The following TNFRSF11A variants were observed in gnomAD, a reference collection of about 807,000 sequenced individuals.
TNFRSF11A encodes the protein tumor necrosis factor receptor superfamily member 11A.
TNFRSF11A carries 32 observed loss-of-function variants against 55.7 expected under a neutral mutation model. That is an observed-to-expected ratio of 0.57 (90% CI 0.43 to 0.77). The LOEUF is 0.77. Ranked by LOEUF, TNFRSF11A falls within the 30% of genes least tolerant of loss-of-function variation. The probability of loss-of-function intolerance (pLI) is 0.00; values close to 1 mark genes in which losing one functional copy is unlikely to be tolerated. For missense variants in TNFRSF11A, 753 were observed against 809.8 expected (o/e 0.93, Z 0.85); for synonymous variants, 311 against 331.0 (o/e 0.94, Z 0.65).
Position 62,354,386 on chromosome 18 carries a change from C to A in TNFRSF11A, c.284-5C>A, listed in dbSNP as rs371545302. 6.4e-7 allele frequency: 1 copy of A among 1,572,380 alleles called. No homozygotes were observed. Among genetic ancestry groups the A allele is most frequent in the Non-Finnish European group, 8.6e-7 (1 of 1,164,246 alleles). ...GGCCACTGACCTGTCTCTTGTCTCC[C>A]GCAGGCAAGGCCCTGGTGGCCGTGG... On this transcript the variant is annotated splice_region_variant and splice_polypyrimidine_tract_variant and intron_variant, in intron 3 of 9. Transcript: ENST00000586569.
chr18:62,354,331 G>T, intron 3 of TNFRSF11A, 60 bp from the exon 4 acceptor site: 1 of 1,496,078 alleles, frequency 6.7e-7, no homozygotes, highest in Non-Finnish European at 8.9e-7. Context: ...GCAGTCGTGG[G>T]CGGTGTGTTT....
intron 1 of TNFRSF11A, among the ~76,000 whole-genome samples, chr18:62,329,449 T>A (rs766721781): frequency 6.6e-6 from 1 of 152,252 alleles, no homozygotes; most frequent in Non-Finnish European, 1.5e-5. Flanking sequence ...TGATTTTTCC[T>A]CTGAGTACCC....
chr18:62,349,935 C>G lies in TNFRSF11A; in HGVS notation c.281C>G (p.Thr94Arg). The G allele has an allele frequency of 2.5e-6, 4 of 1,613,894 alleles. No individual in the cohort carries two copies. The highest frequency in any genetic ancestry group is 2.5e-6 in the Non-Finnish European group (3 of 1,179,858). Residue 94 changes from threonine to arginine, a missense_variant and splice_region_variant, in exon 3 of 10, where the codon ACA becomes AGA. Thr to Arg is a moderately conservative substitution (Grantham distance 71, BLOSUM62 -1). Transcript: ENST00000586569. ...DKCLLHKVCD[T>R]GKALVAVVAG... ...TGCTTGCTGCATAAAGTTTGTGATA[C>G]AGGTGAGCCCGTCCTGTCAGTGTGT...
At chr18:62,378,230 G>A (rs1911028021) in intron 9 of TNFRSF11A, 1 of 152,176 alleles carries the variant, frequency 6.6e-6, no homozygotes, top group Non-Finnish European at 1.5e-5. Context: ...CAGGACTGAG[G>A]TATCTATTAG....
At chr18:62,359,934 G>T in intron 5 of TNFRSF11A, 21 bp from the exon 6 acceptor site, 1 of 1,607,860 alleles carries the variant, frequency 6.2e-7, no homozygotes, top group South Asian at 1.1e-5. Flanking sequence ...CCAAAGCACT[G>T]AACCACCTTT....
At chr18:62,371,476 T>C (rs1326012777) in intron 9 of TNFRSF11A, among the ~76,000 whole-genome samples, 1 of 152,202 alleles carries the variant, frequency 6.6e-6, no homozygotes, top group Non-Finnish European at 1.5e-5. Context: ...CTTTTATTTC[T>C]CTAGCACTAA....
At chr18:62,355,505 G>A (rs1466230069) in intron 4 of TNFRSF11A, among the ~76,000 whole-genome samples, 5 of 152,100 alleles carry the variant, frequency 3.3e-5, no homozygotes, top group Non-Finnish European at 7.3e-5. Context: ...TCGAACTCCC[G>A]ACTTCAGGTG....
chr18:62,325,367 C>T lies in TNFRSF11A; in HGVS notation c.15C>T (p.Ala5=). 1 of 1,041,422 alleles carries T rather than the reference C, an allele frequency of 9.6e-7. No individual in the cohort carries two copies. The highest frequency in any genetic ancestry group is 1.1e-6 in the Non-Finnish European group (1 of 870,058). The allele number at this position is 1,041,422 out of a possible 1,614,324, so 64.5% of individuals were successfully genotyped here. A position where few individuals can be genotyped will look rare whatever the true frequency, so the allele number is the denominator to read the frequency against. MAPR[A]RRRRPLFALL... ...TGTCCCGCGCCATGGCCCCGCGCGCCCGGCGGCGCCGCCCGCTGTTCGCGC... is the reference window on the plus strand; with the variant it reads ...TGTCCCGCGCCATGGCCCCGCGCGCTCGGCGGCGCCGCCCGCTGTTCGCGC... The change falls in exon 1 of 10, where the codon GCC becomes GCT. Residue 5 remains alanine, a synonymous_variant. Transcript: ENST00000586569. This position sits in a 1 kb window ranked among gnomAD's most constrained non-coding sequence, Gnocchi z 4.7.
Position 62,384,694 on chromosome 18 carries a change from A to G in TNFRSF11A, c.1568-57A>G, listed in dbSNP as rs574546475. 2.4e-4 allele frequency: 378 copies of G among 1,584,504 alleles called. 5 individuals are homozygous for G. The South Asian group carries it at 4.1e-3, about 17-fold the overall frequency. On this transcript the variant is annotated intron_variant, in intron 9 of 9. Coordinates refer to ENST00000586569, the MANE Select transcript of TNFRSF11A (RefSeq NM_003839.4). ...CTCCCCGGAACCTTCCTCTCGGCAGACCCTGCCTCCGGGCGCTGACTCACC... is the reference window on the plus strand; with the variant it reads ...CTCCCCGGAACCTTCCTCTCGGCAGGCCCTGCCTCCGGGCGCTGACTCACC...
At chr18:62,334,874 A>G (rs538146824) in intron 1 of TNFRSF11A, among the ~76,000 whole-genome samples, 57 of 152,276 alleles carry the variant, frequency 3.7e-4, no homozygotes, top group Non-Finnish European at 7.1e-4. Context: ...GAATGACAAC[A>G]TGGTGTCACT....
Position 62,384,964 on chromosome 18 carries a change from G to C in TNFRSF11A, c.1781G>C (p.Gly594Ala), listed in dbSNP as rs1327902424. 1.3e-5 allele frequency: 19 copies of C among 1,479,890 alleles called. No homozygotes were observed. Among genetic ancestry groups the C allele is most frequent in the Non-Finnish European group, 1.7e-5 (19 of 1,124,434 alleles). 91.7% of individuals were successfully genotyped at this position (1,479,890 alleles called of 1,614,324 possible). ...NGPRFPDPCG[G>A]PEGLREPEKA... ...CCGCGCTTCCCGGACCCGTGCGGCG[G>C]CCCCGAGGGGCTGCGGGAGCCGGAG... is the stretch of plus-strand genomic sequence containing the variant. Residue 594 changes from glycine (G) to alanine (A), a missense_variant, in exon 10 of 10, where the codon GGC (glycine) becomes GCC (alanine). By Grantham distance (60) the Gly-to-Ala change is moderately conservative. Around this residue, in one of 3 missense-constraint regions of TNFRSF11A, gnomAD observed 567 missense variants for 596.7 expected, o/e 0.95. Coordinates refer to ENST00000586569, the MANE Select transcript of TNFRSF11A (RefSeq NM_003839.4).
intron 2 of TNFRSF11A, among the ~76,000 whole-genome samples, 160 bp downstream of exon 2, chr18:62,348,409 A>G (rs1284638585): frequency 6.6e-6 from 1 of 152,178 alleles, no homozygotes; most frequent in African/African-American, 2.4e-5. Flanking sequence ...TCTTTCTCTC[A>G]ATAGAGATTT....
chr18:62,332,164 C>T (rs1311953989), intron 1 of TNFRSF11A, among the ~76,000 whole-genome samples: 1 of 152,134 alleles, frequency 6.6e-6, no homozygotes, highest in Admixed American at 6.5e-5. Flanking sequence ...TGTGGCATTG[C>T]CAGAAATCCT....
intron 9 of TNFRSF11A, among the ~76,000 whole-genome samples, chr18:62,378,351 T>C (rs1057328733): frequency 6.6e-6 from 1 of 152,220 alleles, no homozygotes; most frequent in African/African-American, 2.4e-5. Context: ...TGTAGAATTA[T>C]ATAGATGAGT....
rs1029649404 is a variant in TNFRSF11A, at chr18:62,369,397, G to A, written c.1480G>A (p.Glu494Lys). 9.3e-6 allele frequency: 15 copies of A among 1,611,638 alleles called. No individual in the cohort carries two copies. Among genetic ancestry groups the A allele is most frequent in the Middle Eastern group, 1.6e-4 (1 of 6,070 alleles). The change falls in exon 9 of 10, where the codon GAG (glutamate) becomes AAG (lysine). Residue 494 changes from glutamate (E) to lysine (K), a missense_variant. Glu to Lys is a moderately conservative substitution (Grantham distance 56). Transcript: ENST00000586569. ...ASRTEARDQP[E>K]DGADGRLPSS... ...CAGGACGGAGGCCAGAGACCAGCCC[G>A]AGGATGGGGCTGATGGGAGGCTCCC...
chr18:62,328,323 G>A (rs1421552061), intron 1 of TNFRSF11A, among the ~76,000 whole-genome samples: 4 of 152,028 alleles, frequency 2.6e-5, no homozygotes, highest in Admixed American at 6.6e-5. Flanking sequence ...GAAACCAGAG[G>A]TCAGGGAAGA....
Position 62,368,978 on chromosome 18 carries a change from C to G in TNFRSF11A, c.1061C>G (p.Ser354Cys), listed in dbSNP as rs778722883. 2.5e-6 allele frequency: 4 copies of G among 1,614,130 alleles called. No individual in the cohort carries two copies. The African/African-American group carries it at 5.3e-5, about 22-fold the overall frequency. ...GAAGATGAATACATGGACAGGCCCTCCCAGCCCACAGACCAGTTACTGTTC... is the reference window on the plus strand; with the variant it reads ...GAAGATGAATACATGGACAGGCCCTGCCAGCCCACAGACCAGTTACTGTTC... The part of the protein sequence containing the change: ...PTEDEYMDRP[S>C]QPTDQLLFLT... Residue 354 changes from serine to cysteine, a missense_variant, in exon 9 of 10, where the codon TCC becomes TGC. This residue lies in a region of TNFRSF11A where 567 missense variants were observed against 596.7 expected (regional missense o/e 0.95). Transcript: ENST00000586569.
At chr18:62,377,765 A>G (rs1305839539) in intron 9 of TNFRSF11A, among the ~76,000 whole-genome samples, 1 of 152,094 alleles carries the variant, frequency 6.6e-6, no homozygotes, top group Non-Finnish European at 1.5e-5. Flanking sequence ...GAGTTTTAAG[A>G]GTTCCTTGTT....
chr18:62,349,957 G>C lies in TNFRSF11A; in HGVS notation c.283+20G>C, dbSNP rs112425512. ...ATACAGGTGAGCCCGTCCTGTCAGT[G>C]TGTCAGTGGGAAGTGTAGAAACCTC... is the stretch of plus-strand genomic sequence containing the variant. On this transcript the variant is annotated intron_variant, in intron 3 of 9. Transcript: ENST00000586569. 1.2e-6 allele frequency: 2 copies of C among 1,613,580 alleles called. No homozygotes were observed. Among genetic ancestry groups the C allele is most frequent in the Non-Finnish European group, 1.7e-6 (2 of 1,179,698 alleles).
Sources: gnomAD v4.1 joint callset for allele counts (sites outside exome capture counted in the v4.1 genomes callset) on GRCh38, gnomAD v4.1.1 for gene constraint, gnomAD v4.1.1 regional missense constraint, Gnocchi (gnomAD v3.1) non-coding constraint, MANE v1.5 for transcripts, NCBI Gene and HGNC (gene_info 2026-07-23, HGNC 2026-07-21) for gene names.